Variants in PTPN4 observed in about 807,000 individuals in gnomAD.
PTPN4 encodes the protein tyrosine-protein phosphatase non-receptor type 4.
A neutral mutation model predicts 135.5 loss-of-function variants in PTPN4; 49 were observed. The ratio of observed to expected loss-of-function variants is 0.36; its 90% CI spans 0.29 to 0.46. The LOEUF (loss-of-function observed/expected upper bound fraction) is 0.46, where lower values mean the gene tolerates loss of function less well. PTPN4 is among the 20% of genes least tolerant of loss of function. The probability of loss-of-function intolerance (pLI) is 1.00; values close to 1 mark genes in which losing one functional copy is unlikely to be tolerated. For synonymous variants in PTPN4, 333 were observed against 369.9 expected (o/e 0.90, Z 1.14); for missense variants, 860 against 1,101.0 (o/e 0.78, Z 3.10).
intron 9 of PTPN4, among the ~76,000 whole-genome samples, chr2:119,898,117 C>T (rs766619429): frequency 2.0e-5 from 3 of 152,176 alleles, no homozygotes; most frequent in Non-Finnish European, 2.9e-5. Flanking sequence ...TCCTTTTCCA[C>T]ATGTAGTTTG....
intron 10 of PTPN4, among the ~76,000 whole-genome samples, chr2:119,909,363 G>T (rs943344022): frequency 6.6e-6 from 1 of 152,138 alleles, no homozygotes; most frequent in Non-Finnish European, 1.5e-5. Context: ...TCTAGAAATG[G>T]AACGTCAAAG....
intron 18 of PTPN4, chr2:119,946,784 A>T (rs1168362419): frequency 8.6e-6 from 4 of 466,918 alleles, no homozygotes; most frequent in Admixed American, 7.9e-5. Context: ...TAAAGAAGCT[A>T]TTTATGACTT....
At position 119,778,713 on chromosome 2, in the gene PTPN4, G is replaced by A. The variant is rs1454566423; in HGVS notation, c.-18+18329G>A. Among the ~76,000 whole-genome samples the A allele has an allele frequency of 3.3e-5, 5 of 152,196 alleles. 1 individual carries two copies. Among genetic ancestry groups the A allele is most frequent in the African/African-American group, 4.8e-5 (2 of 41,438 alleles). On this transcript the variant is annotated intron_variant, in intron 1 of 26. Coordinates refer to ENST00000263708, the MANE Select transcript of PTPN4 (RefSeq NM_002830.4). ...TTGATGCAAGAAATGGCACAAATTA[G>A]ATTCCTGTATTTAATATATAGTTAA...
chr2:119,885,133 T>A (rs1678137040), intron 8 of PTPN4, among the ~76,000 whole-genome samples: 1 of 152,194 alleles, frequency 6.6e-6, no homozygotes, highest in Non-Finnish European at 1.5e-5. Context: ...CCATCTGTGA[T>A]GAAAGATGAT....
intron 26 of PTPN4, among the ~76,000 whole-genome samples, chr2:119,971,723 A>G (rs959248747): frequency 5.9e-5 from 9 of 152,232 alleles, no homozygotes; most frequent in African/African-American, 1.7e-4. Context: ...TTGGTATCAT[A>G]GATGAGAAAT....
intron 10 of PTPN4, among the ~76,000 whole-genome samples, chr2:119,906,132 G>T (rs1174384476): frequency 6.6e-6 from 1 of 152,114 alleles, no homozygotes; most frequent in Admixed American, 6.6e-5. Context: ...ATCAAGTAGA[G>T]ACTGTAAAAA....
chr2:119,952,080 T>C lies in PTPN4; in HGVS notation c.1764T>C (p.Ala588=). 1.5e-5 allele frequency: 24 copies of C among 1,613,396 alleles called. No individual in the cohort carries two copies. The highest frequency in any genetic ancestry group is 2.0e-5 in the Non-Finnish European group (24 of 1,179,398). The change falls in exon 19 of 27, where the codon GCT becomes GCC. Residue 588 remains alanine, a synonymous_variant. Coordinates refer to ENST00000263708, the MANE Select transcript of PTPN4 (RefSeq NM_002830.4). The part of the protein sequence containing the change: ...THDQVVLFIK[A]SCERHSGELM... ...ATCAGGTTGTGCTGTTTATTAAAGC[T>C]AGTTGTGAGAGACATTCTGGGGAAC...
At chr2:119,830,368 T>C (rs1434319217) in intron 2 of PTPN4, among the ~76,000 whole-genome samples, 1 of 152,068 alleles carries the variant, frequency 6.6e-6, no homozygotes, top group African/African-American at 2.4e-5. Flanking sequence ...TGGGAGGTGA[T>C]TGGATCATAA....
At chr2:119,764,339 A>G (rs920020475) in intron 1 of PTPN4, among the ~76,000 whole-genome samples, 2 of 152,200 alleles carry the variant, frequency 1.3e-5, no homozygotes, top group African/African-American at 4.8e-5. Flanking sequence ...TGCTTATCAA[A>G]TTAATCCCAA....
chr2:119,790,570 G>A (rs1691125773), intron 1 of PTPN4, among the ~76,000 whole-genome samples: 1 of 151,782 alleles, frequency 6.6e-6, no homozygotes, highest in South Asian at 2.1e-4. Flanking sequence ...TATTGTTTAT[G>A]TTTTAGAATC....
intron 2 of PTPN4, among the ~76,000 whole-genome samples, chr2:119,837,388 A>G (rs962274060): frequency 2.6e-5 from 4 of 151,840 alleles, no homozygotes. Flanking sequence ...GCCACCCACC[A>G]TAGGTCTCCT....
At chr2:119,797,972 A>AT (rs956470804) in intron 1 of PTPN4, among the ~76,000 whole-genome samples, 2 of 151,996 alleles carry the variant, frequency 1.3e-5, no homozygotes, top group African/African-American at 4.8e-5. Context: ...CTTTTTACAT[A>AT]TTTTTTGAAC....
chr2:119,808,682 C>G (rs186093407), intron 1 of PTPN4, among the ~76,000 whole-genome samples: 6 of 152,100 alleles, frequency 3.9e-5, no homozygotes, highest in Non-Finnish European at 1.5e-5. Flanking sequence ...CCTCCCAAAT[C>G]GTTGGGATTA....
At chr2:119,936,280 G>A (rs1678982599) in intron 15 of PTPN4, among the ~76,000 whole-genome samples, 1 of 152,158 alleles carries the variant, frequency 6.6e-6, no homozygotes, top group African/African-American at 2.4e-5. Context: ...GGGATTCCAG[G>A]CGTGAGCCCC....
chr2:119,768,844 A>G lies in PTPN4; in HGVS notation c.-18+8460A>G, dbSNP rs143708748. 7.4e-3 allele frequency among the ~76,000 whole-genome samples: 1,132 copies of G among 152,304 alleles called. 13 individuals carry two copies. The highest frequency in any genetic ancestry group is 0.026 in the African/African-American group (1,069 of 41,560). On this transcript the variant is annotated intron_variant, in intron 1 of 26. Coordinates refer to ENST00000263708, the MANE Select transcript of PTPN4 (RefSeq NM_002830.4). ...GACAGAAATTTGTTAGAAAGGTGCT[A>G]TTCCCAGTTTTAAAAGGAGAACAGA... is the stretch of plus-strand genomic sequence containing the variant.
Position 119,895,833 on chromosome 2 carries a change from C to T in PTPN4, c.676-4885C>T, listed in dbSNP as rs1171245506. Among the ~76,000 whole-genome samples, 6 of 149,376 alleles carry T rather than the reference C, an allele frequency of 4.0e-5. No homozygotes were observed. In the South Asian group the frequency reaches 1.3e-3, roughly 32 times the overall value. On this transcript the variant is annotated intron_variant, in intron 9 of 26. Coordinates refer to ENST00000263708, the MANE Select transcript of PTPN4 (RefSeq NM_002830.4). ...TCTGGAGGCTGAGGAAGGAGAACGG[C>T]GTGAACCCAGGAGGCGGAGCTTGCA...
At chr2:119,896,552 G>A (rs1032189669) in intron 9 of PTPN4, among the ~76,000 whole-genome samples, 2 of 152,160 alleles carry the variant, frequency 1.3e-5, no homozygotes, top group Non-Finnish European at 2.9e-5. Flanking sequence ...GGTGCATAAT[G>A]CCTGGGTTTT....
chr2:119,773,809 A>G (rs1215550309), intron 1 of PTPN4, among the ~76,000 whole-genome samples: 1 of 152,080 alleles, frequency 6.6e-6, no homozygotes, highest in Non-Finnish European at 1.5e-5. Context: ...ATACTAGTCT[A>G]CTTTATCATT....
At chr2:119,903,714 C>T (rs890158117) in intron 10 of PTPN4, among the ~76,000 whole-genome samples, 4 of 152,096 alleles carry the variant, frequency 2.6e-5, no homozygotes, top group Non-Finnish European at 5.9e-5. Flanking sequence ...AGCTCAGGAC[C>T]CCAAGGGATA....
Sources: allele counts gnomAD v4.1 joint callset (sites outside exome capture counted in the v4.1 genomes callset), GRCh38; gene constraint gnomAD v4.1.1; transcripts MANE v1.5; gene names NCBI Gene and HGNC (gene_info 2026-07-23, HGNC 2026-07-21).